DAB1: variants seen among roughly 807,000 people sequenced by gnomAD.
DAB1 encodes the protein DAB adaptor protein 1, also known as disabled homolog 1.
Under a neutral mutation model 64.6 loss-of-function variants are expected in DAB1, and 15 were observed. The ratio of observed to expected loss-of-function variants is 0.23; its 90% confidence interval spans 0.16 to 0.36. The LOEUF (loss-of-function observed/expected upper bound fraction) is 0.36. Ranked by LOEUF, DAB1 falls within the 10% of genes least tolerant of loss-of-function variation. The pLI is 1.00. For missense variants in DAB1, 596 were observed against 706.7 expected (o/e 0.84, Z 1.78); for synonymous variants, 235 against 251.9 (o/e 0.93, Z 0.64).
intron 9 of DAB1, among the ~76,000 whole-genome samples, chr1:57,039,905 G>T (rs981686905): frequency 5.9e-5 from 9 of 152,146 alleles, no homozygotes; most frequent in African/African-American, 2.2e-4. Flanking sequence ...AGGGGAGATG[G>T]TGGTAGTTCC....
At chr1:58,530,886 T>C (rs1376029280) in intron 1 of DAB1, among the ~76,000 whole-genome samples, 1 of 152,240 alleles carries the variant, frequency 6.6e-6, no homozygotes, top group African/African-American at 2.4e-5. Flanking sequence ...CGGGTCTGTT[T>C]TTCCCTTCCT....
At chr1:57,131,864 T>C (rs896232167) in intron 4 of DAB1, among the ~76,000 whole-genome samples, 1 of 152,176 alleles carries the variant, frequency 6.6e-6, no homozygotes, top group African/African-American at 2.4e-5. Flanking sequence ...TTAGTTTTTA[T>C]GTAGTAAGTA....
At chr1:58,261,488 C>A (rs2100417695) in intron 4 of DAB1, among the ~76,000 whole-genome samples, 1 of 152,226 alleles carries the variant, frequency 6.6e-6, no homozygotes. Flanking sequence ...TGCAGATAGA[C>A]CTCTCTCAAG....
intron 1 of DAB1, chr1:58,538,874 G>A (rs765572914): frequency 1.7e-5 from 15 of 872,634 alleles, no homozygotes; most frequent in African/African-American, 9.8e-5. Flanking sequence ...GCTTGAAACC[G>A]TGGAGAAGTA....
intron 7 of DAB1, among the ~76,000 whole-genome samples, chr1:57,600,092 T>C (rs1434446343): frequency 6.6e-6 from 1 of 152,154 alleles, no homozygotes; most frequent in African/African-American, 2.4e-5. Flanking sequence ...CACCAGGCCA[T>C]GTCTCTGTGC....
chr1:58,049,685 T>C (rs1366692020), intron 5 of DAB1, among the ~76,000 whole-genome samples: 3 of 152,206 alleles, frequency 2.0e-5, no homozygotes, highest in Non-Finnish European at 4.4e-5. Flanking sequence ...AAATTTAGTC[T>C]CTTTAGATTT....
intron 4 of DAB1, among the ~76,000 whole-genome samples, chr1:58,155,119 G>A (rs1655151565): frequency 6.6e-6 from 1 of 152,356 alleles, no homozygotes; most frequent in Admixed American, 6.5e-5. Context: ...GAGGATGTCA[G>A]CTGGTACTAA....
chr1:57,265,466 G>A (rs1670517285), intron 2 of DAB1, among the ~76,000 whole-genome samples: 1 of 152,060 alleles, frequency 6.6e-6, no homozygotes, highest in Non-Finnish European at 1.5e-5. Flanking sequence ...TAAGATAGCA[G>A]GTATTTTTAT....
At chr1:57,799,771 C>T (rs2101870828) in intron 6 of DAB1, among the ~76,000 whole-genome samples, 1 of 152,234 alleles carries the variant, frequency 6.6e-6, no homozygotes, top group African/African-American at 2.4e-5. Context: ...TTTCGTGACA[C>T]ATGAAAATTA....
intron 3 of DAB1, among the ~76,000 whole-genome samples, chr1:58,433,285 G>A (rs957749932): frequency 2.6e-5 from 4 of 152,180 alleles, no homozygotes. Flanking sequence ...GTGTGGGAAA[G>A]AGGAAGGTGG....
chr1:57,982,274 C>A (rs766927260), intron 5 of DAB1, among the ~76,000 whole-genome samples: 1 of 152,200 alleles, frequency 6.6e-6, no homozygotes, highest in South Asian at 2.1e-4. Context: ...TCCTTTAGAA[C>A]AGAACCCATT....
chr1:57,312,641 G>A (rs943471928), intron 1 of DAB1, among the ~76,000 whole-genome samples: 6 of 152,054 alleles, frequency 3.9e-5, no homozygotes, highest in Non-Finnish European at 7.3e-5. Flanking sequence ...TGTGATACCC[G>A]GAATCATACA....
At chr1:58,037,636 A>C (rs1239423958) in intron 5 of DAB1, among the ~76,000 whole-genome samples, 3 of 148,468 alleles carry the variant, frequency 2.0e-5, no homozygotes, top group African/African-American at 5.0e-5. Flanking sequence ...CCACCCTTCC[A>C]CCCCCACCCT....
At chr1:58,051,169 G>T (rs2100527954) in intron 5 of DAB1, among the ~76,000 whole-genome samples, 1 of 152,052 alleles carries the variant, frequency 6.6e-6, no homozygotes, top group South Asian at 2.1e-4. Context: ...ATTTACATTA[G>T]GTATTTCTCC....
intron 5 of DAB1, among the ~76,000 whole-genome samples, chr1:58,128,481 G>A (rs200841590): frequency 2.4e-5 from 3 of 126,108 alleles, no homozygotes; most frequent in Admixed American, 1.5e-4. Context: ...TGGCCAGAAC[G>A]TCCAACACTA....
intron 7 of DAB1, among the ~76,000 whole-genome samples, chr1:57,606,650 A>G (rs1372280129): frequency 1.8e-5 from 2 of 110,348 alleles, no homozygotes; most frequent in East Asian, 2.4e-4. Flanking sequence ...TGAAATATAT[A>G]TTATGTATGA....
chr1:58,373,419 G>A (rs563146353), intron 3 of DAB1, among the ~76,000 whole-genome samples: 15 of 147,942 alleles, frequency 1.0e-4, no homozygotes, highest in Admixed American at 4.8e-4. Flanking sequence ...GAGAATATGC[G>A]GTGTTTGGTT....
chr1:57,591,667 C>A (rs936425700), intron 7 of DAB1, among the ~76,000 whole-genome samples: 1 of 152,236 alleles, frequency 6.6e-6, no homozygotes, highest in Non-Finnish European at 1.5e-5. Flanking sequence ...TACTTCACAG[C>A]ATCACTATTA....
At chr1:57,250,586 TTAACTC>T (rs1463178349) in intron 2 of DAB1, among the ~76,000 whole-genome samples, 1 of 152,176 alleles carries the variant, frequency 6.6e-6, no homozygotes, top group African/African-American at 2.4e-5. Flanking sequence ...TTAAAATAAA[TTAACTC>T]TAGCAAATCT....
Sources: gnomAD v4.1 joint callset for allele counts (sites outside exome capture counted in the v4.1 genomes callset) on GRCh38, gnomAD v4.1.1 for gene constraint, MANE v1.5 for transcripts, NCBI Gene and HGNC (gene_info 2026-07-23, HGNC 2026-07-21) for gene names.